The following ADGRV1 variants were observed in gnomAD, a reference collection of about 807,000 sequenced individuals.
ADGRV1 encodes the protein G-protein coupled receptor 98.
Under a neutral mutation model 596.2 loss-of-function variants are expected in ADGRV1, and 359 were observed. That is an observed-to-expected ratio of 0.60 (90% CI 0.55 to 0.66). ADGRV1 has a LOEUF of 0.66. ADGRV1 is among the 30% of genes least tolerant of loss of function. The probability of loss-of-function intolerance (pLI) is 0.00; values close to 1 mark genes in which losing one functional copy is unlikely to be tolerated. For synonymous variants in ADGRV1, 2,681 were observed against 2,679.2 expected (o/e 1.00, Z -0.02); for missense variants, 7,274 against 7,575.6 (o/e 0.96, Z 1.48).
At chr5:91,128,476 G>T (rs1793951106) in intron 87 of ADGRV1, among the ~76,000 whole-genome samples, 1 of 152,092 alleles carries the variant, frequency 6.6e-6, no homozygotes, top group African/African-American at 2.4e-5. Flanking sequence ...TAACCTCTGT[G>T]TTCCAACCCT....
chr5:90,984,585 G>A (rs1236304832), intron 84 of ADGRV1, among the ~76,000 whole-genome samples: 2 of 152,114 alleles, frequency 1.3e-5, no homozygotes, highest in East Asian at 3.9e-4. Flanking sequence ...TAATATAAAA[G>A]AAATATTGCC....
At chr5:91,141,510 TATAA>T (rs1349663743) in intron 87 of ADGRV1, among the ~76,000 whole-genome samples, 2 of 152,166 alleles carry the variant, frequency 1.3e-5, no homozygotes, top group Non-Finnish European at 2.9e-5. Flanking sequence ...GGATTCTTAT[TATAA>T]ATAAGACCAT....
chr5:90,757,678 T>C (rs1448792905), intron 57 of ADGRV1, among the ~76,000 whole-genome samples: 1 of 152,092 alleles, frequency 6.6e-6, no homozygotes, highest in Admixed American at 6.6e-5. Context: ...AAAACAATAT[T>C]CTAGATTTAG....
At chr5:90,918,296 C>T (rs536854926) in intron 83 of ADGRV1, among the ~76,000 whole-genome samples, 79 of 152,262 alleles carry the variant, frequency 5.2e-4, no homozygotes, top group African/African-American at 1.1e-3. Context: ...GGTTTTATGA[C>T]GGACCACATC....
chr5:90,850,321 C>A (rs550305805), intron 79 of ADGRV1, among the ~76,000 whole-genome samples: 2 of 152,076 alleles, frequency 1.3e-5, no homozygotes, highest in African/African-American at 4.8e-5. Flanking sequence ...GAGGTTTTTT[C>A]TTAATGTGCA....
intron 85 of ADGRV1, among the ~76,000 whole-genome samples, chr5:91,052,128 T>C (rs1786392257): frequency 6.6e-6 from 1 of 152,172 alleles, no homozygotes; most frequent in Admixed American, 6.5e-5. Flanking sequence ...ATAGTTAATC[T>C]AGAGGCAGTG....
In ADGRV1 at chr5:90,558,847, C is replaced by T; in HGVS notation, c.-49C>T. 6.4e-7 allele frequency: 1 copy of T among 1,552,210 alleles called. No homozygotes were observed. The highest frequency in any genetic ancestry group is 8.7e-7 in the Non-Finnish European group (1 of 1,144,854). On this transcript the variant is annotated 5_prime_UTR_variant, in exon 1 of 90. Transcript: ENST00000405460. ...AAGGAGTACGGACGGGAGTCAGAGG[C>T]AGAGCGAGGGTGTGTGGAGGGCCGG...
Position 90,869,816 on chromosome 5 carries a change from G to A in ADGRV1, c.17856+5959G>A, listed in dbSNP as rs546650746. Among the ~76,000 whole-genome samples the A allele has an allele frequency of 2.0e-5, 3 of 152,252 alleles. No individual in the cohort carries two copies. The South Asian group carries it at 6.2e-4, about 32-fold the overall frequency. ...CTCATTTTACAGATTAGGAAATTGT[G>A]ACATAAAGAGTTTAATTACTTGCCA... On this transcript the variant is annotated intron_variant, in intron 83 of 89. Transcript: ENST00000405460.
chr5:90,797,038 C>T (rs914840323), intron 70 of ADGRV1, among the ~76,000 whole-genome samples: 11 of 151,722 alleles, frequency 7.3e-5, no homozygotes, highest in South Asian at 4.2e-4. Context: ...TAAAGACCAT[C>T]GACACTATGA....
At chr5:90,616,497 T>A (rs1446386190) in intron 2 of ADGRV1, among the ~76,000 whole-genome samples, 1 of 152,142 alleles carries the variant, frequency 6.6e-6, no homozygotes, top group Non-Finnish European at 1.5e-5. Flanking sequence ...GCAGTTTCTT[T>A]GAAACTGATA....
At chr5:91,156,191 T>C (rs1233483617) in intron 89 of ADGRV1, among the ~76,000 whole-genome samples, 1 of 152,006 alleles carries the variant, frequency 6.6e-6, no homozygotes, top group Non-Finnish European at 1.5e-5. Context: ...AGAGATGATA[T>C]TTGAAGCTAT....
At chr5:91,092,537 G>C (rs768690407) in intron 86 of ADGRV1, 5 of 152,172 alleles carry the variant, frequency 3.3e-5, no homozygotes. Flanking sequence ...TAAACAAAAG[G>C]GTTCTATAGC....
intron 70 of ADGRV1, 146 bp downstream of exon 70, chr5:90,791,492 T>C: frequency 1.6e-6 from 1 of 607,570 alleles, no homozygotes; most frequent in Non-Finnish European, 2.9e-6. Flanking sequence ...TAGTAACTAC[T>C]GGATAATACA....
At chr5:90,998,147 T>C (rs1279466040) in intron 85 of ADGRV1, among the ~76,000 whole-genome samples, 1 of 152,220 alleles carries the variant, frequency 6.6e-6, no homozygotes, top group Non-Finnish European at 1.5e-5. Flanking sequence ...CACTAAATTC[T>C]TTAATATTTC....
intron 32 of ADGRV1, 30 bp from the exon 33 acceptor site, chr5:90,693,860 C>T: frequency 6.8e-7 from 1 of 1,480,406 alleles, no homozygotes; most frequent in Non-Finnish European, 9.0e-7. Flanking sequence ...AGTGCTTAAC[C>T]TGTCTTTTAA....
At chr5:90,783,351 C>A in intron 66 of ADGRV1, 26 bp downstream of exon 66, 2 of 1,426,976 alleles carry the variant, frequency 1.4e-6, no homozygotes, top group South Asian at 1.2e-5. Flanking sequence ...ATAATGTGGG[C>A]ACATATAAGA....
intron 1 of ADGRV1, among the ~76,000 whole-genome samples, chr5:90,588,753 A>G (rs1420195572): frequency 6.6e-6 from 1 of 152,214 alleles, no homozygotes; most frequent in East Asian, 1.9e-4. Context: ...CTAAACCACA[A>G]ATGAATATCT....
At chr5:90,977,847 A>G (rs1779743504) in intron 84 of ADGRV1, among the ~76,000 whole-genome samples, 1 of 152,202 alleles carries the variant, frequency 6.6e-6, no homozygotes, top group Non-Finnish European at 1.5e-5. Flanking sequence ...GAATCAGTTT[A>G]AATTCCAATA....
In ADGRV1 at chr5:90,627,917, G is replaced by GAC. The variant is rs3041948; in HGVS notation, c.1238+185_1238+186dup. 0.13 allele frequency: 29,325 copies of GAC among 228,732 alleles called. 1,558 individuals carry two copies. Among genetic ancestry groups the GAC allele is most frequent in the African/African-American group, 0.17 (6,223 of 36,602 alleles). 14.2% of individuals were successfully genotyped at this position (228,732 alleles called of 1,614,324 possible). On this transcript the variant is annotated intron_variant, in intron 7 of 89. Coordinates refer to ENST00000405460, the MANE Select transcript of ADGRV1 (RefSeq NM_032119.4). Reference sequence around the variant, plus strand: ...AAAGTTTCATGACAAACTCAGAAAAGACACACACACACACACACACACACA... The same window carrying GAC: ...AAAGTTTCATGACAAACTCAGAAAAGACACACACACACACACACACACACACA...
Sources: allele counts gnomAD v4.1 joint callset (sites outside exome capture counted in the v4.1 genomes callset), GRCh38; gene constraint gnomAD v4.1.1; transcripts MANE v1.5; gene names NCBI Gene and HGNC (gene_info 2026-07-23, HGNC 2026-07-21).